Variants in HPGDS observed in about 807,000 individuals in gnomAD.
The protein encoded by HPGDS is GST class-sigma.
HPGDS carries 26 observed loss-of-function variants against 23.1 expected under a neutral mutation model. That is an observed-to-expected ratio of 1.13 (90% CI 0.83 to 1.56). HPGDS has a LOEUF of 1.56. HPGDS is among the 40% of genes most tolerant of loss of function. The probability of loss-of-function intolerance (pLI) is 0.00; values close to 1 mark genes in which losing one functional copy is unlikely to be tolerated. For synonymous variants in HPGDS, 95 were observed against 77.9 expected (o/e 1.22, Z -1.16); for missense variants, 268 against 236.4 (o/e 1.13, Z -0.88).
At chr4:94,326,415 AT>A (rs1756632673) in intron 2 of HPGDS, among the ~76,000 whole-genome samples, 1 of 151,660 alleles carries the variant, frequency 6.6e-6, no homozygotes, top group African/African-American at 2.4e-5. Context: ...TCATTCTTTT[AT>A]TTTTTTCTTT....
intron 5 of HPGDS, among the ~76,000 whole-genome samples, chr4:94,301,418 A>C (rs150819031): frequency 1.3e-5 from 2 of 152,290 alleles, no homozygotes; most frequent in African/African-American, 4.8e-5. Context: ...AGTTTATTTC[A>C]GTCTTTCTTT....
At chr4:94,320,896 G>A (rs1001287426) in intron 2 of HPGDS, among the ~76,000 whole-genome samples, 2 of 152,162 alleles carry the variant, frequency 1.3e-5, no homozygotes, top group Admixed American at 1.3e-4. Flanking sequence ...ATGGTTTTAG[G>A]TCTGACATTG....
rs2126040221 is a variant in HPGDS at position 94,317,974 on chromosome 4, G to A, written c.134-9C>T. 1 of 1,524,176 alleles carries A rather than the reference G, an allele frequency of 6.6e-7. No individual in the cohort carries two copies. The highest frequency in any genetic ancestry group is 9.1e-7 in the Non-Finnish European group (1 of 1,100,888). 94.4% of individuals were successfully genotyped at this position (1,524,176 alleles called of 1,614,324 possible). ...TTTTCCAAATGGGAGAGCTTAAAAT[G>A]AAATGAGCAAATAATTAACTTCATA... On this transcript the variant is annotated splice_polypyrimidine_tract_variant and intron_variant, in intron 2 of 5. Transcript: ENST00000295256.
rs1355637850 is a variant in HPGDS at position 94,340,845 on chromosome 4, C to CTTTTTTTTT, written c.-10+1949_-10+1950insAAAAAAAAA. Among the ~76,000 whole-genome samples, 2 of 97,116 alleles carry CTTTTTTTTT rather than the reference C, an allele frequency of 2.1e-5. 1 individual carries two copies. Among genetic ancestry groups the CTTTTTTTTT allele is most frequent in the African/African-American group, 8.6e-5 (2 of 23,164 alleles). 63.7% of individuals were successfully genotyped at this position (97,116 alleles called of 152,430 possible). ...GGCAAATTTTTTTCTTTTTTTTTTTCTTTCTTTTTTTTTTTTTGAGACGGA... is the reference window on the plus strand; with the variant it reads ...GGCAAATTTTTTTCTTTTTTTTTTTCTTTTTTTTTTTTCTTTTTTTTTTTTTGAGACGGA... On this transcript the variant is annotated intron_variant, in intron 1 of 5. Transcript: ENST00000295256.
At chr4:94,308,033 CT>C (rs1371151038) in intron 4 of HPGDS, among the ~76,000 whole-genome samples, 6 of 152,086 alleles carry the variant, frequency 3.9e-5, no homozygotes. Context: ...GAATTCCAGA[CT>C]TTTTCAGATT....
chr4:94,324,227 G>A (rs187814308), intron 2 of HPGDS, among the ~76,000 whole-genome samples: 6 of 152,148 alleles, frequency 3.9e-5, no homozygotes, highest in Admixed American at 1.3e-4. Flanking sequence ...TGAATCTGAC[G>A]ATTACATGTC....
At chr4:94,340,332 T>TC (rs1560598112) in intron 1 of HPGDS, among the ~76,000 whole-genome samples, 9 of 35,582 alleles carry the variant, frequency 2.5e-4, no homozygotes, top group Non-Finnish European at 3.5e-4. Flanking sequence ...TTTTTTTTTT[T>TC]TTTTTTTTTT....
At chr4:94,310,216 C>A (rs1457767589) in intron 3 of HPGDS, among the ~76,000 whole-genome samples, 6 of 152,168 alleles carry the variant, frequency 3.9e-5, no homozygotes, top group Non-Finnish European at 8.8e-5. Context: ...ATGCCTATAT[C>A]CTGAATTGTA....
chr4:94,335,803 G>A (rs1379479465), intron 1 of HPGDS, among the ~76,000 whole-genome samples: 2 of 152,198 alleles, frequency 1.3e-5, no homozygotes, highest in African/African-American at 4.8e-5. Context: ...AAAGTGGTGA[G>A]TTTAAATAGT....
At chr4:94,340,313 T>TTTC (rs1721129898) in intron 1 of HPGDS, among the ~76,000 whole-genome samples, 9 of 17,612 alleles carry the variant, frequency 5.1e-4, no homozygotes, top group Non-Finnish European at 8.4e-4. Flanking sequence ...TTCTTTCTCT[T>TTTC]TTTTTTTTTT....
At chr4:94,329,520 C>T (rs950558699) in intron 2 of HPGDS, among the ~76,000 whole-genome samples, 9 of 152,114 alleles carry the variant, frequency 5.9e-5, no homozygotes, top group African/African-American at 1.9e-4. Flanking sequence ...GGAACATAAC[C>T]ACCTCAAATA....
intron 3 of HPGDS, among the ~76,000 whole-genome samples, chr4:94,310,619 C>T (rs1360911720): frequency 1.3e-5 from 2 of 152,150 alleles, no homozygotes; most frequent in East Asian, 1.9e-4. Context: ...GCAATGCAGG[C>T]TCTTTTTTGG....
intron 2 of HPGDS, among the ~76,000 whole-genome samples, chr4:94,325,330 C>T (rs576683254): frequency 6.6e-6 from 1 of 152,152 alleles, no homozygotes; most frequent in Non-Finnish European, 1.5e-5. Flanking sequence ...CAGACAGGGA[C>T]GTTTAAGTCT....
At position 94,334,501 on chromosome 4, in the gene HPGDS, T is replaced by C. The variant is rs1214102394; in HGVS notation, c.129A>G (p.Lys43=). 4 of 1,593,608 alleles carry C rather than the reference T, an allele frequency of 2.5e-6. No homozygotes were observed. Among genetic ancestry groups the C allele is most frequent in the Non-Finnish European group, 3.4e-6 (4 of 1,172,290 alleles). Residue 43 remains lysine, a synonymous_variant, in exon 2 of 6, where the codon AAA becomes AAG. Transcript: ENST00000295256. Reference sequence around the variant, plus strand: ...TTTATTATTTTTGCTACTTACTTGATTTGATTTCAGGCCAGTCAGCTTGTT... The same window carrying C: ...TTTATTATTTTTGCTACTTACTTGACTTGATTTCAGGCCAGTCAGCTTGTT... ...RIEQADWPEI[K]STLPFGKIPI...
chr4:94,317,565 C>A (rs1756422099), intron 3 of HPGDS, among the ~76,000 whole-genome samples: 1 of 152,106 alleles, frequency 6.6e-6, no homozygotes, highest in South Asian at 2.1e-4. Flanking sequence ...TTACCATATG[C>A]AAACTAGCCA....
intron 2 of HPGDS, among the ~76,000 whole-genome samples, chr4:94,318,722 A>AT (rs1322011219): frequency 1.3e-5 from 2 of 151,838 alleles, no homozygotes. Context: ...GATTAAAAAA[A>AT]TTTTTTTTGA....
At chr4:94,313,712 G>A (rs1158485608) in intron 3 of HPGDS, among the ~76,000 whole-genome samples, 1 of 152,130 alleles carries the variant, frequency 6.6e-6, no homozygotes, top group Non-Finnish European at 1.5e-5. Context: ...AAGTTCTCCT[G>A]GATAATATCC....
intron 1 of HPGDS, among the ~76,000 whole-genome samples, chr4:94,340,311 C>CTTTTTTTTTT (rs869240610): frequency 3.0e-4 from 7 of 23,672 alleles, no homozygotes; most frequent in African/African-American, 1.0e-3. Flanking sequence ...CTTTCTTTCT[C>CTTTTTTTTTT]TTTTTTTTTT....
chr4:94,313,347 T>G (rs1298039379), intron 3 of HPGDS, among the ~76,000 whole-genome samples: 1 of 152,210 alleles, frequency 6.6e-6, no homozygotes, highest in African/African-American at 2.4e-5. Context: ...TGACAAAATC[T>G]CTCAGCATTT....
Sources: gnomAD v4.1 joint callset for allele counts (sites outside exome capture counted in the v4.1 genomes callset) on GRCh38, gnomAD v4.1.1 for gene constraint, MANE v1.5 for transcripts, NCBI Gene and HGNC (gene_info 2026-07-23, HGNC 2026-07-21) for gene names.